The following PTPRT variants were observed in gnomAD, a reference collection of about 807,000 sequenced individuals.
PTPRT encodes protein tyrosine phosphatase receptor type T.
Under a neutral mutation model 176.8 loss-of-function variants are expected in PTPRT, and 56 were observed. The ratio of observed to expected loss-of-function variants is 0.32; its 90% CI spans 0.26 to 0.40. PTPRT has a LOEUF of 0.40. Ranked by LOEUF, PTPRT falls within the 10% of genes least tolerant of loss-of-function variation. The pLI is 1.00. For synonymous variants in PTPRT, 783 were observed against 739.0 expected (o/e 1.06, Z -0.96); for missense variants, 1,540 against 1,908.2 (o/e 0.81, Z 3.60).
intron 2 of PTPRT, among the ~76,000 whole-genome samples, chr20:42,877,042 T>C (rs924403061): frequency 3.3e-5 from 5 of 152,110 alleles, no homozygotes; most frequent in Admixed American, 2.6e-4. Flanking sequence ...GGGTTTGTGG[T>C]TGAAACAAGA....
chr20:42,179,410 G>A (rs1042225019), intron 16 of PTPRT, among the ~76,000 whole-genome samples: 3 of 152,080 alleles, frequency 2.0e-5, no homozygotes, highest in African/African-American at 7.2e-5. Flanking sequence ...CACATGAATT[G>A]CCATTGACAA....
chr20:43,175,454 C>G (rs1035300921), intron 1 of PTPRT, among the ~76,000 whole-genome samples: 3 of 152,252 alleles, frequency 2.0e-5, no homozygotes, highest in Non-Finnish European at 2.9e-5. Context: ...ATTATCTGTA[C>G]CTTATTAATA....
intron 9 of PTPRT, among the ~76,000 whole-genome samples, chr20:42,418,793 T>G (rs2145761453): frequency 6.6e-6 from 1 of 152,244 alleles, no homozygotes; most frequent in Admixed American, 6.5e-5. Flanking sequence ...TACCCCAGTC[T>G]TGACCACAGG....
chr20:42,892,810 C>T (rs2079218571), intron 1 of PTPRT, among the ~76,000 whole-genome samples: 4 of 152,220 alleles, frequency 2.6e-5, no homozygotes, highest in Admixed American at 2.0e-4. Flanking sequence ...GCAACAGGGA[C>T]ATGCCACAAG....
chr20:42,631,790 C>T (rs1433482884), intron 7 of PTPRT, among the ~76,000 whole-genome samples: 2 of 152,186 alleles, frequency 1.3e-5, no homozygotes, highest in African/African-American at 2.4e-5. Context: ...TGAATGCAAG[C>T]TTGTGCAAGG....
chr20:42,811,178 A>C (rs559953223), intron 2 of PTPRT, among the ~76,000 whole-genome samples: 6 of 152,344 alleles, frequency 3.9e-5, no homozygotes, highest in Middle Eastern at 6.8e-3. Context: ...GAAATGCAAA[A>C]TACAAAGATT....
intron 26 of PTPRT, among the ~76,000 whole-genome samples, chr20:42,099,546 C>CGAGGGGGGGGGGGGGGGG (rs1262251876): frequency 3.5e-5 from 1 of 28,898 alleles, no homozygotes; most frequent in African/African-American, 1.3e-4. Context: ...ATGGCCTGGG[C>CGAGGGGGGGGGGGGGGGG]GGGGGGGGGG....
chr20:42,832,294 G>C (rs953016501), intron 2 of PTPRT, among the ~76,000 whole-genome samples: 4 of 152,152 alleles, frequency 2.6e-5, no homozygotes, highest in Non-Finnish European at 5.9e-5. Context: ...TCACTTATAA[G>C]TGGGAGCTAA....
chr20:42,063,545 G>A, the PTPRT span: 18 of 152,200 alleles, frequency 1.2e-4, no homozygotes, highest in Non-Finnish European at 2.2e-4. Context: ...AGCAGGAATC[G>A]GAGGGAAGCT....
chr20:42,248,787 C>T lies in PTPRT; in HGVS notation c.2212G>A (p.Glu738Lys). ...TTCACGGTGTTGTCCACCTGCTTCTCTGGCTCCACAGTGTTAGAATTCTGG... is the reference window on the plus strand; with the variant it reads ...TTCACGGTGTTGTCCACCTGCTTCTTTGGCTCCACAGTGTTAGAATTCTGG... ...STQNSNTVEPEKQVDNTVKMA... is the reference protein window; with the variant it reads ...STQNSNTVEPKKQVDNTVKMA... Residue 738 changes from glutamate to lysine, a missense_variant, in exon 14 of 31, where the codon GAG becomes AAG. Physicochemically the swap from Glu to Lys is moderately conservative, Grantham distance 56. Around this residue, in one of 11 missense-constraint regions of PTPRT, gnomAD observed 255 missense variants for 250.1 expected, o/e 1.02. Transcript: ENST00000373187. 6.2e-7 allele frequency: 1 copy of T among 1,614,100 alleles called. No individual in the cohort carries two copies. Among genetic ancestry groups the T allele is most frequent in the Non-Finnish European group, 8.5e-7 (1 of 1,179,992 alleles).
chr20:42,122,778 C>T (rs1160128684), intron 19 of PTPRT, among the ~76,000 whole-genome samples: 1 of 152,176 alleles, frequency 6.6e-6, no homozygotes, highest in African/African-American at 2.4e-5. Context: ...TGCAGTAGCT[C>T]CCTATTGTCT....
intron 13 of PTPRT, among the ~76,000 whole-genome samples, chr20:42,278,998 T>C (rs2057095003): frequency 6.6e-6 from 1 of 152,144 alleles, no homozygotes; most frequent in South Asian, 2.1e-4. Context: ...TTCTAACATT[T>C]CCTATTTTAA....
At chr20:42,561,106 C>T (rs943611488) in intron 7 of PTPRT, among the ~76,000 whole-genome samples, 1 of 152,228 alleles carries the variant, frequency 6.6e-6, no homozygotes, top group African/African-American at 2.4e-5. Flanking sequence ...TAAATGAGGT[C>T]TGCCTTTGCT....
At chr20:42,462,256 T>G (rs1453253453) in intron 8 of PTPRT, among the ~76,000 whole-genome samples, 1 of 152,122 alleles carries the variant, frequency 6.6e-6, no homozygotes, top group South Asian at 2.1e-4. Context: ...AAATATTCTC[T>G]GGGAGACTAG....
chr20:43,024,631 T>C (rs1457627076), intron 1 of PTPRT, among the ~76,000 whole-genome samples: 1 of 151,644 alleles, frequency 6.6e-6, no homozygotes, highest in Non-Finnish European at 1.5e-5. Flanking sequence ...CCATGTGAAT[T>C]GAATATGCAA....
intron 16 of PTPRT, among the ~76,000 whole-genome samples, chr20:42,165,839 CA>C (rs1989799882): frequency 6.6e-6 from 1 of 152,064 alleles, no homozygotes; most frequent in African/African-American, 2.4e-5. Context: ...TCTAGAATAG[CA>C]CTGGCCAGTG....
chr20:43,053,769 G>C (rs2146237871), intron 1 of PTPRT, among the ~76,000 whole-genome samples: 1 of 152,314 alleles, frequency 6.6e-6, no homozygotes, highest in Middle Eastern at 3.4e-3. Context: ...TAAAAACCAG[G>C]AGCTGTATCT....
rs111667045 is a variant in PTPRT, at chr20:42,184,058, G to A, written c.2491+15182C>T. ...GGAGGCATTTGGGCCTTCCATCCCT[G>A]ACAGATGCCACCTAAGGAAGAACTG... On this transcript the variant is annotated intron_variant, in intron 16 of 30. Coordinates refer to ENST00000373187, the MANE Select transcript of PTPRT (RefSeq NM_007050.6). 2.2e-3 allele frequency among the ~76,000 whole-genome samples: 334 copies of A among 152,212 alleles called. 1 individual carries two copies. The highest frequency in any genetic ancestry group is 7.2e-3 in the African/African-American group (298 of 41,518).
intron 7 of PTPRT, among the ~76,000 whole-genome samples, chr20:42,542,242 A>C (rs1480386711): frequency 6.6e-6 from 1 of 152,186 alleles, no homozygotes; most frequent in African/African-American, 2.4e-5. Context: ...AGAACAGACT[A>C]ATTAATATAC....
Sources: gnomAD v4.1 joint callset for allele counts (sites outside exome capture counted in the v4.1 genomes callset) on GRCh38, gnomAD v4.1.1 for gene constraint, gnomAD v4.1.1 regional missense constraint, MANE v1.5 for transcripts, NCBI Gene and HGNC (gene_info 2026-07-23, HGNC 2026-07-21) for gene names.